COLGALT2: variants seen among roughly 807,000 people sequenced by gnomAD.
COLGALT2 encodes collagen beta(1-O)galactosyltransferase 2, also known as procollagen galactosyltransferase 2.
In COLGALT2, 49 loss-of-function variants were observed where a neutral mutation model predicts 73.4. The observed-to-expected ratio is 0.67, with a 90% CI of 0.53 to 0.85. COLGALT2 has a LOEUF of 0.85. Ranked by LOEUF, COLGALT2 falls within the 40% of genes least tolerant of loss-of-function variation. The pLI, the probability that COLGALT2 is intolerant of heterozygous loss-of-function variation, is 0.00. For synonymous variants in COLGALT2, 295 were observed against 307.6 expected (o/e 0.96, Z 0.43); for missense variants, 722 against 790.2 (o/e 0.91, Z 1.03).
intron 6 of COLGALT2, among the ~76,000 whole-genome samples, chr1:183,957,508 A>G (rs531860121): frequency 6.6e-6 from 1 of 152,336 alleles, no homozygotes; most frequent in Non-Finnish European, 1.5e-5. Context: ...CTTCTTCTCT[A>G]TAATTTCTCC....
intron 11 of COLGALT2, among the ~76,000 whole-genome samples, chr1:183,930,570 T>A (rs1669822866): frequency 7.9e-5 from 1 of 12,602 alleles, no homozygotes; most frequent in African/African-American, 2.2e-4. Context: ...TTTCTTTTTC[T>A]TTTTTTTTTT....
At position 184,037,178 on chromosome 1, in the gene COLGALT2, G is replaced by A. The variant is rs1334037198; in HGVS notation, c.180C>T (p.Leu60=). 3 of 1,604,856 alleles carry A rather than the reference G, an allele frequency of 1.9e-6. No individual in the cohort carries two copies. ...GCAGCGTGTGCGCCGCGTTGCGGGC[G>A]AGGACCGCCACGAGCACCGTGGGGC... The part of the protein sequence containing the change: ...LQSPTVLVAV[L]ARNAAHTLPH... Residue 60 remains leucine (L), a synonymous_variant, in exon 1 of 12, where the codon CTC becomes CTT. Transcript: ENST00000361927.
At chr1:183,988,561 C>T (rs1435259717) in intron 1 of COLGALT2, among the ~76,000 whole-genome samples, 3 of 152,170 alleles carry the variant, frequency 2.0e-5, no homozygotes, top group Non-Finnish European at 4.4e-5. Flanking sequence ...TGCCTATTCT[C>T]GTCCTTTCTT....
At chr1:184,008,104 T>TA (rs796158509) in intron 1 of COLGALT2, among the ~76,000 whole-genome samples, 72 of 152,200 alleles carry the variant, frequency 4.7e-4, no homozygotes, top group African/African-American at 1.6e-3. Context: ...TTAACATCAC[T>TA]AGAAAGGGGC....
At chr1:184,014,974 T>C (rs1648953297) in intron 1 of COLGALT2, among the ~76,000 whole-genome samples, 1 of 152,064 alleles carries the variant, frequency 6.6e-6, no homozygotes. Flanking sequence ...AGGGCCCACT[T>C]GAGGGTGGAG....
intron 1 of COLGALT2, among the ~76,000 whole-genome samples, chr1:183,984,726 C>T (rs1288483780): frequency 6.6e-6 from 1 of 152,216 alleles, no homozygotes; most frequent in East Asian, 1.9e-4. Context: ...TGCCCATCTG[C>T]TTTCCCTCTG....
intron 1 of COLGALT2, among the ~76,000 whole-genome samples, chr1:184,023,656 C>T (rs1439466195): frequency 2.2e-5 from 3 of 133,462 alleles, no homozygotes; most frequent in East Asian, 2.3e-4. Context: ...GGGGGGGGGG[C>T]GGTGCCGGAA....
intron 10 of COLGALT2, among the ~76,000 whole-genome samples, chr1:183,942,484 C>T (rs1007228578): frequency 6.6e-6 from 1 of 152,076 alleles, no homozygotes; most frequent in African/African-American, 2.4e-5. Flanking sequence ...AATGTGATTA[C>T]TAGAAAACTG....
chr1:183,978,529 G>A lies in COLGALT2; in HGVS notation c.264-9C>T. 3 of 1,494,950 alleles carry A rather than the reference G, an allele frequency of 2.0e-6. No individual in the cohort carries two copies. The highest frequency in any genetic ancestry group is 2.8e-5 in the African/African-American group (2 of 72,610). 92.6% of individuals were successfully genotyped at this position (1,494,950 alleles called of 1,614,324 possible). ...TGTGATCAGTGGCTGCCCTGCATGA[G>A]AGAAAGCACAATATAGTTTAACTAT... On this transcript the variant is annotated splice_polypyrimidine_tract_variant and intron_variant, in intron 1 of 11. Transcript: ENST00000361927.
At chr1:183,982,162 C>T (rs1671370443) in intron 1 of COLGALT2, among the ~76,000 whole-genome samples, 1 of 152,110 alleles carries the variant, frequency 6.6e-6, no homozygotes, top group African/African-American at 2.4e-5. Context: ...CCTGGACATT[C>T]CATGGCCTGG....
chr1:184,013,276 C>A (rs1011021316), intron 1 of COLGALT2, among the ~76,000 whole-genome samples: 3 of 152,228 alleles, frequency 2.0e-5, no homozygotes, highest in Admixed American at 6.5e-5. Context: ...GACTGTGCCA[C>A]TGCACTCCAG....
intron 1 of COLGALT2, among the ~76,000 whole-genome samples, chr1:184,030,851 G>T (rs1649491908): frequency 6.6e-6 from 1 of 152,124 alleles, no homozygotes; most frequent in Non-Finnish European, 1.5e-5. Flanking sequence ...AGCTACACAG[G>T]ATTAAAAATC....
chr1:183,962,104 C>G (rs1670718198), intron 6 of COLGALT2, among the ~76,000 whole-genome samples: 1 of 148,450 alleles, frequency 6.7e-6, no homozygotes, highest in African/African-American at 2.5e-5. Context: ...CTCAATGGAT[C>G]TAAAAATAAA....
Position 183,969,322 on chromosome 1 carries a change from T to C in COLGALT2, c.779A>G (p.Tyr260Cys), listed in dbSNP as rs1000998793. 1 of 1,613,830 alleles carries C rather than the reference T, an allele frequency of 6.2e-7. No homozygotes were observed. The change falls in exon 5 of 12, where the codon TAC becomes TGC. Residue 260 changes from tyrosine to cysteine, a missense_variant. By Grantham distance (194) the Tyr-to-Cys change is radical. Transcript: ENST00000361927. ...KLTFYPPHQDYTWTFDDIIVF... is the reference protein window; with the variant it reads ...KLTFYPPHQDCTWTFDDIIVF... Reference sequence around the variant, plus strand: ...AATGATGTCATCAAAGGTCCAGGTGTAGTCCTGGTGTGGGGGGTAGAAAGT... The same window carrying C: ...AATGATGTCATCAAAGGTCCAGGTGCAGTCCTGGTGTGGGGGGTAGAAAGT...
intron 8 of COLGALT2, among the ~76,000 whole-genome samples, chr1:183,947,111 C>A (rs12040044): frequency 6.6e-6 from 1 of 152,028 alleles, no homozygotes; most frequent in African/African-American, 2.4e-5. Flanking sequence ...AACCATGAAA[C>A]TGGAAGAATT....
Position 183,936,715 on chromosome 1 carries a change from C to G in COLGALT2, c.*2046G>C, listed in dbSNP as rs1418344555. ...AGGAATCACCTAAGGAATTTTCACTCGCTCCCCAGATGCTCTTTCTGTTTT... is the reference window on the plus strand; with the variant it reads ...AGGAATCACCTAAGGAATTTTCACTGGCTCCCCAGATGCTCTTTCTGTTTT... On this transcript the variant is annotated 3_prime_UTR_variant, in exon 12 of 12. Transcript: ENST00000361927. 25 of 1,230,262 alleles carry G rather than the reference C, an allele frequency of 2.0e-5. No individual in the cohort carries two copies. In the East Asian group the frequency reaches 4.1e-4, roughly 20 times the overall value. The allele number at this position is 1,230,262 out of a possible 1,614,324, so 76.2% of individuals were successfully genotyped here. A position where few individuals can be genotyped will look rare whatever the true frequency, so the allele number is the denominator to read the frequency against.
chr1:183,968,858 A>G (rs1222918498), intron 5 of COLGALT2, among the ~76,000 whole-genome samples: 1 of 152,232 alleles, frequency 6.6e-6, no homozygotes, highest in Admixed American at 6.5e-5. Context: ...AGCAGCTCAG[A>G]CTTTTTCAAG....
rs1437673813 is a variant in COLGALT2 at position 183,984,321 on chromosome 1, C to T, written c.264-5801G>A. On this transcript the variant is annotated intron_variant, in intron 1 of 11. Coordinates refer to ENST00000361927, the MANE Select transcript of COLGALT2 (RefSeq NM_015101.4). ...TTGGGAAGCTGAGGCAGGAAAATTGCTTGTACCCGGGAGGCGGAGACTGCA... is the reference window on the plus strand; with the variant it reads ...TTGGGAAGCTGAGGCAGGAAAATTGTTTGTACCCGGGAGGCGGAGACTGCA... Among the ~76,000 whole-genome samples, 4 of 152,246 alleles carry T rather than the reference C, an allele frequency of 2.6e-5. No homozygotes were observed. In the East Asian group the frequency reaches 5.8e-4, roughly 22 times the overall value.
chr1:183,963,441 T>C (rs1227658270), intron 6 of COLGALT2, among the ~76,000 whole-genome samples: 3 of 152,342 alleles, frequency 2.0e-5, no homozygotes, highest in Non-Finnish European at 4.4e-5. Context: ...TGTTACATCA[T>C]GAGCTATTAT....
Sources: allele counts gnomAD v4.1 joint callset (sites outside exome capture counted in the v4.1 genomes callset), GRCh38; gene constraint gnomAD v4.1.1; transcripts MANE v1.5; gene names NCBI Gene and HGNC (gene_info 2026-07-23, HGNC 2026-07-21).